ARHGAP6: variants seen among roughly 807,000 people sequenced by gnomAD.
ARHGAP6 encodes the protein rho GTPase-activating protein 6.
A neutral mutation model predicts 55.7 loss-of-function variants in ARHGAP6; 16 were observed. The observed-to-expected ratio is 0.29, with a 90% CI of 0.19 to 0.44. The LOEUF (loss-of-function observed/expected upper bound fraction) is 0.44, where lower values mean the gene tolerates loss of function less well. Among genes scored for constraint, ARHGAP6 ranks in the 20% least tolerant of loss-of-function variants. ARHGAP6 has a pLI of 1.00. For synonymous variants in ARHGAP6, 382 were observed against 360.9 expected (o/e 1.06, Z -0.66); for missense variants, 698 against 808.9 (o/e 0.86, Z 1.66).
intron 1 of ARHGAP6, among the ~76,000 whole-genome samples, chrX:11,308,295 A>T (rs2096497590): frequency 8.9e-6 from 1 of 112,352 alleles, no homozygotes; most frequent in African/African-American, 3.2e-5. Context: ...AACAATCTAA[A>T]TTAATATTCT....
At chrX:11,241,481 A>G (rs1033263918) in intron 2 of ARHGAP6, among the ~76,000 whole-genome samples, 1 of 109,780 alleles carries the variant, frequency 9.1e-6, no homozygotes, top group African/African-American at 3.3e-5. Flanking sequence ...AAAATAATGG[A>G]AAACGTATTC....
intron 1 of ARHGAP6, among the ~76,000 whole-genome samples, chrX:11,273,873 CATT>C (rs975919454): frequency 1.8e-5 from 2 of 111,446 alleles, no homozygotes; most frequent in African/African-American, 6.5e-5. Flanking sequence ...AGTGTGTACC[CATT>C]ATTATTCCAG....
At chrX:11,549,983 T>C (rs2051250222) in intron 1 of ARHGAP6, among the ~76,000 whole-genome samples, 1 of 112,191 alleles carries the variant, frequency 8.9e-6, no homozygotes, top group Non-Finnish European at 1.9e-5. Flanking sequence ...TACATTTTAT[T>C]ATCTACAGAA....
intron 1 of ARHGAP6, among the ~76,000 whole-genome samples, chrX:11,648,632 A>G (rs2052554116): frequency 1.8e-5 from 2 of 111,994 alleles, no homozygotes; most frequent in African/African-American, 6.5e-5. Context: ...CCCTCAACCA[A>G]TTCATTTCAC....
chrX:11,275,575 T>G (rs913579863), intron 1 of ARHGAP6, among the ~76,000 whole-genome samples: 1 of 111,751 alleles, frequency 8.9e-6, no homozygotes, highest in Non-Finnish European at 1.9e-5. Flanking sequence ...CACACTCTTG[T>G]AGGCTGTCTC....
At chrX:11,186,116 C>T (rs1017382150) in intron 5 of ARHGAP6, 120 bp downstream of exon 5, 3 of 671,489 alleles carry the variant, frequency 4.5e-6, no homozygotes, top group Non-Finnish European at 2.3e-6. Flanking sequence ...CACTTTCACA[C>T]AGTAAATTTC....
chrX:11,166,165 T>C (rs370874811), intron 9 of ARHGAP6, among the ~76,000 whole-genome samples: 56 of 110,962 alleles, frequency 5.0e-4, no homozygotes, highest in African/African-American at 1.4e-3. Context: ...ACTCAGAGAG[T>C]GGCCACTTGG....
At chrX:11,559,589 TTAA>T (rs2051361385) in intron 1 of ARHGAP6, among the ~76,000 whole-genome samples, 1 of 111,656 alleles carries the variant, frequency 9.0e-6, no homozygotes, top group South Asian at 3.7e-4. Flanking sequence ...CATAACAGGT[TTAA>T]TAACTATTTA....
In ARHGAP6 at chrX:11,188,881, T is replaced by C; in HGVS notation, c.924A>G (p.Ala308=). 8.3e-7 allele frequency: 1 copy of C among 1,211,638 alleles called. No individual in the cohort carries two copies. The highest frequency in any genetic ancestry group is 1.1e-6 in the Non-Finnish European group (1 of 895,522). The change falls in exon 4 of 13, where the codon GCA becomes GCG. Residue 308 remains alanine, a synonymous_variant. Transcript: ENST00000337414. Reference sequence around the variant, plus strand: ...GGAGGAGGGAAGCCACAAAGTCAGATGCATCTTTCTGCTCGTCCCTCTGCA... The same window carrying C: ...GGAGGAGGGAAGCCACAAAGTCAGACGCATCTTTCTGCTCGTCCCTCTGCA... ...QDLQRDEQKD[A]SDFVASLLPF... is the part of the protein sequence containing the mutation.
intron 1 of ARHGAP6, among the ~76,000 whole-genome samples, chrX:11,600,741 G>A: frequency 8.9e-6 from 1 of 112,154 alleles, no homozygotes; most frequent in East Asian, 2.8e-4. Context: ...AGCCCAGTGG[G>A]CAAGCATATG....
intron 2 of ARHGAP6, among the ~76,000 whole-genome samples, chrX:11,234,091 G>A (rs1254017259): frequency 8.9e-6 from 1 of 112,485 alleles, no homozygotes; most frequent in African/African-American, 3.2e-5. Context: ...TCTCCATTAA[G>A]AGAAGGGAAG....
intron 2 of ARHGAP6, among the ~76,000 whole-genome samples, chrX:11,230,114 T>C (rs184687855): frequency 4.0e-4 from 45 of 112,355 alleles, no homozygotes; most frequent in Admixed American, 1.1e-3. Context: ...CTATTATACA[T>C]ACTGGGCTAT....
At chrX:11,515,889 G>A (rs1351516584) in intron 1 of ARHGAP6, among the ~76,000 whole-genome samples, 1 of 112,626 alleles carries the variant, frequency 8.9e-6, no homozygotes, top group Non-Finnish European at 1.9e-5. Flanking sequence ...TACTAAAATG[G>A]AGTCAAAAGC....
rs935888033 is a variant in ARHGAP6 at position 11,567,145 on chromosome X, A to T, written c.588+97096T>A. Among the ~76,000 whole-genome samples, 44 of 111,709 alleles carry T rather than the reference A, an allele frequency of 3.9e-4. No homozygotes were observed. In the Admixed American group the frequency reaches 4.1e-3, roughly 10 times the overall value. On this transcript the variant is annotated intron_variant, in intron 1 of 12. Transcript: ENST00000337414. ...ACAAGCCTTTGTGAATTAGTTCAAG[A>T]TTTCTCTAAACATGTTAAATCATCA...
chrX:11,317,072 T>C (rs1336626337), intron 1 of ARHGAP6, among the ~76,000 whole-genome samples: 2 of 112,593 alleles, frequency 1.8e-5, no homozygotes, highest in Non-Finnish European at 1.9e-5. Context: ...CCACCCACGA[T>C]TGATCTCAGA....
intron 1 of ARHGAP6, among the ~76,000 whole-genome samples, chrX:11,638,877 A>T (rs2052444321): frequency 8.9e-6 from 1 of 112,104 alleles, no homozygotes. Flanking sequence ...ATTAGAGTGA[A>T]TAAGACCTAA....
intron 1 of ARHGAP6, among the ~76,000 whole-genome samples, chrX:11,310,525 T>C (rs746401162): frequency 8.9e-6 from 1 of 111,956 alleles, no homozygotes; most frequent in African/African-American, 3.2e-5. Context: ...GATGAAGTAC[T>C]GATAAATACT....
chrX:11,399,448 G>A (rs1462439736), intron 1 of ARHGAP6, among the ~76,000 whole-genome samples: 1 of 110,295 alleles, frequency 9.1e-6, no homozygotes, highest in Non-Finnish European at 1.9e-5. Flanking sequence ...TTTGGGAGGT[G>A]AGACTAATTT....
chrX:11,508,022 T>C (rs896931067), intron 1 of ARHGAP6, among the ~76,000 whole-genome samples: 2 of 111,729 alleles, frequency 1.8e-5, no homozygotes, highest in African/African-American at 6.5e-5. Flanking sequence ...AATTATTAAA[T>C]GAAGAAATCA....
Sources: allele counts gnomAD v4.1 joint callset (sites outside exome capture counted in the v4.1 genomes callset), GRCh38; gene constraint gnomAD v4.1.1; transcripts MANE v1.5; gene names NCBI Gene and HGNC (gene_info 2026-07-23, HGNC 2026-07-21).